MYO9A: variants seen among roughly 807,000 people sequenced by gnomAD.
MYO9A encodes unconventional myosin-IXa.
A neutral mutation model predicts 293.3 loss-of-function variants in MYO9A; 103 were observed. The observed-to-expected ratio is 0.35, with a 90% confidence interval of 0.30 to 0.41. The LOEUF (loss-of-function observed/expected upper bound fraction) is 0.41. MYO9A is among the 10% of genes least tolerant of loss of function. MYO9A has a pLI of 1.00. For synonymous variants in MYO9A, 1,001 were observed against 1,035.7 expected, an observed-to-expected ratio of 0.97 and a Z score of 0.64; for missense variants, 2,685 against 3,033.0, an observed-to-expected ratio of 0.89 and a Z score of 2.69.
At chr15:72,107,952 G>A (rs1452733672) in intron 1 of MYO9A, among the ~76,000 whole-genome samples, 1 of 152,062 alleles carries the variant, frequency 6.6e-6, no homozygotes. Context: ...CTTTTAATAG[G>A]AACTGTTGTT....
chr15:71,939,576 T>C (rs1267987036), intron 15 of MYO9A, among the ~76,000 whole-genome samples: 1 of 152,234 alleles, frequency 6.6e-6, no homozygotes, highest in East Asian at 1.9e-4. Context: ...CTTATTTTGA[T>C]GCATCATTTT....
intron 4 of MYO9A, among the ~76,000 whole-genome samples, chr15:72,023,244 A>G (rs1462841370): frequency 6.6e-6 from 1 of 152,220 alleles, no homozygotes; most frequent in Non-Finnish European, 1.5e-5. Context: ...ACATGAAGAC[A>G]GGTCAATTGA....
intron 1 of MYO9A, among the ~76,000 whole-genome samples, chr15:72,100,152 G>A (rs2080224028): frequency 2.0e-5 from 3 of 152,144 alleles, no homozygotes; most frequent in Non-Finnish European, 4.4e-5. Context: ...GGGTGCCGAG[G>A]CGGGCGGATC....
chr15:72,014,727 A>AAG (rs139154140), intron 6 of MYO9A, among the ~76,000 whole-genome samples: 8 of 150,636 alleles, frequency 5.3e-5, no homozygotes, highest in African/African-American at 9.8e-5. Context: ...AAAAGAAGAG[A>AAG]AGAGAGAGAG....
chr15:71,956,997 A>C (rs2059218601), intron 14 of MYO9A, among the ~76,000 whole-genome samples: 1 of 151,936 alleles, frequency 6.6e-6, no homozygotes, highest in South Asian at 2.1e-4. Flanking sequence ...TCCATTCATC[A>C]GTTGATGGAA....
chr15:71,987,306 T>C (rs2076431055), intron 11 of MYO9A, among the ~76,000 whole-genome samples: 1 of 152,178 alleles, frequency 6.6e-6, no homozygotes, highest in Non-Finnish European at 1.5e-5. Context: ...CATAGATTTT[T>C]CTCCTTCTTT....
chr15:71,895,261 GAGAA>G (rs2057290431), intron 25 of MYO9A, among the ~76,000 whole-genome samples: 1 of 152,150 alleles, frequency 6.6e-6, no homozygotes, highest in Admixed American at 6.5e-5. Flanking sequence ...ATCCTCCAAA[GAGAA>G]ACAACAATTA....
chr15:71,878,816 G>A (rs1317958093), intron 30 of MYO9A, among the ~76,000 whole-genome samples: 7 of 143,460 alleles, frequency 4.9e-5, no homozygotes, highest in South Asian at 2.2e-4. Context: ...GCATGATCTC[G>A]GCTCACTGCA....
At chr15:71,910,000 A>G (rs761287434) in intron 19 of MYO9A, among the ~76,000 whole-genome samples, 2 of 151,340 alleles carry the variant, frequency 1.3e-5, no homozygotes, top group Non-Finnish European at 2.9e-5. Context: ...TAATACACAT[A>G]AAATATTAAA....
intron 8 of MYO9A, among the ~76,000 whole-genome samples, chr15:72,003,906 T>C (rs955734175): frequency 6.6e-6 from 1 of 152,140 alleles, no homozygotes; most frequent in Non-Finnish European, 1.5e-5. Context: ...GAACATATTA[T>C]TCTCTGCTAA....
At chr15:71,988,217 T>C (rs1302765971) in intron 11 of MYO9A, among the ~76,000 whole-genome samples, 1 of 152,310 alleles carries the variant, frequency 6.6e-6, no homozygotes, top group African/African-American at 2.4e-5. Context: ...CTAACACATG[T>C]ACTTATTTGC....
Position 72,045,792 on chromosome 15 carries a change from C to T in MYO9A, c.772G>A (p.Ala258Thr). ...CTGGCAAATCCTTTCTGACTGAGAGCAGTAAGGTGGTGAATAAGAAAGTTT... is the reference window on the plus strand; with the variant it reads ...CTGGCAAATCCTTTCTGACTGAGAGTAGTAAGGTGGTGAATAAGAAAGTTT... Reference protein sequence around the residue: ...STNFLIHHLTALSQKGFASGV... With the variant: ...STNFLIHHLTTLSQKGFASGV... Residue 258 changes from alanine (A) to threonine (T), a missense_variant, in exon 2 of 42, where the codon GCT becomes ACT. By Grantham distance (58) the Ala-to-Thr change is moderately conservative. This residue lies in a region of MYO9A where 289 missense variants were observed against 456.8 expected (regional missense o/e 0.63). Coordinates refer to ENST00000356056, the MANE Select transcript of MYO9A (RefSeq NM_006901.4). The T allele has an allele frequency of 6.2e-7, 1 of 1,614,086 alleles. No homozygotes were observed. Among genetic ancestry groups the T allele is most frequent in the Non-Finnish European group, 8.5e-7 (1 of 1,180,008 alleles).
chr15:72,018,759 G>C (rs933471772), intron 6 of MYO9A, among the ~76,000 whole-genome samples: 1 of 152,108 alleles, frequency 6.6e-6, no homozygotes, highest in Non-Finnish European at 1.5e-5. Flanking sequence ...TGAAGAATCA[G>C]GAATATAATC....
At chr15:72,016,465 G>A (rs1203317476) in intron 6 of MYO9A, among the ~76,000 whole-genome samples, 1 of 152,150 alleles carries the variant, frequency 6.6e-6, no homozygotes, top group Non-Finnish European at 1.5e-5. Context: ...TCTAACTATA[G>A]GTCTCCTTGG....
rs368131356 is a variant in MYO9A, at chr15:71,828,429, G to C, written c.7041-403C>G. 8.5e-5 allele frequency among the ~76,000 whole-genome samples: 13 copies of C among 152,242 alleles called. No individual in the cohort carries two copies. In the South Asian group the frequency reaches 2.5e-3, roughly 29 times the overall value. ...ACCACAAAACAAAGAGATTAAACTA[G>C]ATAACCTCTAAGATTCCTTCCAGCT... is the stretch of plus-strand genomic sequence containing the variant. On this transcript the variant is annotated intron_variant, in intron 40 of 41. Transcript: ENST00000356056.
chr15:71,852,882 G>C (rs1304693802), intron 35 of MYO9A, among the ~76,000 whole-genome samples: 1 of 152,166 alleles, frequency 6.6e-6, no homozygotes, highest in Non-Finnish European at 1.5e-5. Flanking sequence ...CCGATTACTT[G>C]AGGCCAGGAG....
intron 39 of MYO9A, among the ~76,000 whole-genome samples, chr15:71,843,195 G>A (rs947796238): frequency 6.6e-6 from 1 of 151,966 alleles, no homozygotes; most frequent in East Asian, 1.9e-4. Context: ...TTGGGAGGCC[G>A]AGGTGGGTGG....
intron 1 of MYO9A, among the ~76,000 whole-genome samples, chr15:72,105,611 G>T (rs1030586846): frequency 2.7e-5 from 4 of 149,736 alleles, no homozygotes; most frequent in Non-Finnish European, 3.0e-5. Flanking sequence ...AGGTTGAAGC[G>T]ATTCTCCTGC....
At chr15:72,083,077 A>AT (rs886115354) in intron 1 of MYO9A, among the ~76,000 whole-genome samples, 3 of 152,000 alleles carry the variant, frequency 2.0e-5, no homozygotes, top group Non-Finnish European at 4.4e-5. Context: ...ATTTTTGGGA[A>AT]TAGTTTCAGT....
Sources: allele counts gnomAD v4.1 joint callset (sites outside exome capture counted in the v4.1 genomes callset), GRCh38; gene constraint gnomAD v4.1.1; regional missense constraint gnomAD v4.1.1; transcripts MANE v1.5; gene names NCBI Gene and HGNC (gene_info 2026-07-23, HGNC 2026-07-21).